Variants in CLPB observed in about 807,000 individuals in gnomAD.
The protein encoded by CLPB is mitochondrial disaggregase.
Under a neutral mutation model 78.4 loss-of-function variants are expected in CLPB, and 40 were observed. That is an observed-to-expected ratio of 0.51 (90% CI 0.40 to 0.66). CLPB has a LOEUF of 0.66. Ranked by LOEUF, CLPB falls within the 30% of genes least tolerant of loss-of-function variation. The pLI, the probability that CLPB is intolerant of heterozygous loss-of-function variation, is 0.00. For synonymous variants in CLPB, 333 were observed against 348.0 expected (o/e 0.96, Z 0.48); for missense variants, 780 against 886.9 (o/e 0.88, Z 1.53).
Position 72,287,903 on chromosome 11 carries a change from T to C in CLPB, c.*5464A>G, listed in dbSNP as rs756309677. The C allele has an allele frequency of 5.9e-5, 9 of 152,100 alleles. No homozygotes were observed. Among genetic ancestry groups the C allele is most frequent in the Non-Finnish European group, 1.2e-4 (8 of 68,048 alleles). 9.4% of individuals were successfully genotyped at this position (152,100 alleles called of 1,614,324 possible). On this transcript the variant is annotated 3_prime_UTR_variant, in exon 16 of 16. Coordinates refer to ENST00000538039, the MANE Select transcript of CLPB (RefSeq NM_001258392.3). Reference sequence around the variant, plus strand: ...TGGCTCCTTTCCCCTTTTATCAGGCTCAGGAGGTTTTATCTATTTTATTGG... The same window carrying C: ...TGGCTCCTTTCCCCTTTTATCAGGCCCAGGAGGTTTTATCTATTTTATTGG...
Position 72,286,830 on chromosome 11 carries a change from T to TGTGA in CLPB, c.*6536_*6537insTCAC, listed in dbSNP as rs1949396745. The TGTGA allele has an allele frequency of 6.6e-6, 1 of 151,344 alleles. No homozygotes were observed. Among genetic ancestry groups the TGTGA allele is most frequent in the Non-Finnish European group, 1.5e-5 (1 of 67,834 alleles). 9.4% of individuals were successfully genotyped at this position (151,344 alleles called of 1,614,324 possible). A position where few individuals can be genotyped will look rare whatever the true frequency, so the allele number is the denominator to read the frequency against. On this transcript the variant is annotated 3_prime_UTR_variant, in exon 16 of 16. Coordinates refer to ENST00000538039, the MANE Select transcript of CLPB (RefSeq NM_001258392.3). ...GTGTGTGTGTGTGTGTGTGTGTGTG[T>TGTGA]GTAGTTATCTGAAATACTGGCAAAC...
chr11:72,402,514 G>A (rs896989586), intron 3 of CLPB, among the ~76,000 whole-genome samples: 2 of 152,154 alleles, frequency 1.3e-5, no homozygotes, highest in Non-Finnish European at 2.9e-5. Flanking sequence ...AAATAGCACA[G>A]CCTCCAATGG....
At chr11:72,309,167 C>T (rs1949798618) in intron 7 of CLPB, among the ~76,000 whole-genome samples, 1 of 152,140 alleles carries the variant, frequency 6.6e-6, no homozygotes, top group African/African-American at 2.4e-5. Flanking sequence ...CAATGTGGAG[C>T]TCAGGGCATG....
Position 72,434,112 on chromosome 11 carries a change from C to A in CLPB, c.363G>T (p.Ala121=). The A allele has an allele frequency of 3.1e-6, 5 of 1,611,900 alleles. No homozygotes were observed. The highest frequency in any genetic ancestry group is 4.2e-6 in the Non-Finnish European group (5 of 1,180,014). ...TCTTGCTGTAGCAATGAACCACCAG[C>A]GCTGCGGCCAGGGCGCACATGCCCA... ...AGLGMCALAA[A]LVVHCYSKSP... The change falls in exon 1 of 16, where the codon GCG becomes GCT. Residue 121 remains alanine (A), a synonymous_variant. Coordinates refer to ENST00000538039, the MANE Select transcript of CLPB (RefSeq NM_001258392.3).
intron 6 of CLPB, among the ~76,000 whole-genome samples, chr11:72,321,675 G>A (rs2135535723): frequency 6.6e-6 from 1 of 152,320 alleles, no homozygotes; most frequent in Middle Eastern, 3.4e-3. Context: ...TGTGTTCACT[G>A]AGGGGGCAGC....
At chr11:72,429,135 C>T (rs1188605608) in intron 2 of CLPB, 2 of 152,196 alleles carry the variant, frequency 1.3e-5, no homozygotes, top group Non-Finnish European at 2.9e-5. Flanking sequence ...CACACACAGC[C>T]TGCAGTTATG....
At chr11:72,317,318 C>T in intron 6 of CLPB, 98 bp from the exon 7 acceptor site, 1 of 843,170 alleles carries the variant, frequency 1.2e-6, no homozygotes, top group South Asian at 1.8e-5. Flanking sequence ...GTCTGGGTAT[C>T]CAGGGGTCCT....
intron 5 of CLPB, among the ~76,000 whole-genome samples, chr11:72,335,424 G>A (rs1348283279): frequency 2.0e-5 from 3 of 152,216 alleles, no homozygotes; most frequent in Non-Finnish European, 2.9e-5. Flanking sequence ...AATGTCCCCA[G>A]TACCCAGCCC....
In CLPB at chr11:72,434,526, T is replaced by C. The variant is rs1235597439; in HGVS notation, c.-52A>G. 1.3e-6 allele frequency: 2 copies of C among 1,507,546 alleles called. No homozygotes were observed. The highest frequency in any genetic ancestry group is 2.3e-5 in the Admixed American group (1 of 43,620). 93.4% of individuals were successfully genotyped at this position (1,507,546 alleles called of 1,614,324 possible). A position where few individuals can be genotyped will look rare whatever the true frequency, so the allele number is the denominator to read the frequency against. ...GGTGCCGGCCCCTGTGCTGACCACG[T>C]CCAACATGGCTGCCGCGGCGCGTTC... On this transcript the variant is annotated 5_prime_UTR_variant, in exon 1 of 16. Transcript: ENST00000538039.
chr11:72,404,770 G>A (rs1170112090), intron 2 of CLPB, among the ~76,000 whole-genome samples: 1 of 152,130 alleles, frequency 6.6e-6, no homozygotes, highest in East Asian at 1.9e-4. Flanking sequence ...TAAGATGTTT[G>A]GTATGACTGG....
At position 72,292,641 on chromosome 11, in the gene CLPB, C is replaced by T. The variant is rs1291012996; in HGVS notation, c.*726G>A. 2.0e-5 allele frequency: 3 copies of T among 152,246 alleles called. No homozygotes were observed. The highest frequency in any genetic ancestry group is 7.2e-5 in the African/African-American group (3 of 41,424). The allele number at this position is 152,246 out of a possible 1,614,324, so 9.4% of individuals were successfully genotyped here. The stretch of plus-strand genomic sequence containing the variant: ...CTTGCTTGGTTATCTGGGACTGCTG[C>T]TCAGTCTGAGTAGGGGAGGGTAATG... On this transcript the variant is annotated 3_prime_UTR_variant, in exon 16 of 16. Coordinates refer to ENST00000538039, the MANE Select transcript of CLPB (RefSeq NM_001258392.3).
At chr11:72,338,044 A>G (rs1396355016) in intron 5 of CLPB, among the ~76,000 whole-genome samples, 1 of 152,214 alleles carries the variant, frequency 6.6e-6, no homozygotes, top group Non-Finnish European at 1.5e-5. Context: ...GGGAACAGAG[A>G]GAGTTTTAAT....
Position 72,419,642 on chromosome 11 carries a change from C to T in CLPB, c.455+10670G>A, listed in dbSNP as rs1224485738. Among the ~76,000 whole-genome samples the T allele has an allele frequency of 2.0e-5, 3 of 152,292 alleles. No homozygotes were observed. The South Asian group carries it at 6.2e-4, about 32-fold the overall frequency. On this transcript the variant is annotated intron_variant, in intron 2 of 15. Transcript: ENST00000538039. ...CAGTCCTTCACACTGGCCTTGCTTC[C>T]TCCTCATGCAGGATTCTTGTAAATA... is the stretch of plus-strand genomic sequence containing the variant.
rs1856659547 is a variant in CLPB, at chr11:72,434,496, C to T, written c.-22G>A. 6.6e-7 allele frequency: 1 copy of T among 1,521,612 alleles called. No individual in the cohort carries two copies. Among genetic ancestry groups the T allele is most frequent in the African/African-American group, 1.4e-5 (1 of 71,950 alleles). The allele number at this position is 1,521,612 out of a possible 1,614,324, so 94.3% of individuals were successfully genotyped here. A position where few individuals can be genotyped will look rare whatever the true frequency, so the allele number is the denominator to read the frequency against. On this transcript the variant is annotated 5_prime_UTR_variant, in exon 1 of 16. Coordinates refer to ENST00000538039, the MANE Select transcript of CLPB (RefSeq NM_001258392.3). ...GCATCTTGACAGCTGCTTCGATAAC[C>T]CCGTGGTGCCGGCCCCTGTGCTGAC...
At chr11:72,350,687 T>C (rs1050289378) in intron 5 of CLPB, among the ~76,000 whole-genome samples, 10 of 152,244 alleles carry the variant, frequency 6.6e-5, no homozygotes, top group Admixed American at 5.9e-4. Flanking sequence ...ACAGAGGGGC[T>C]CATCTCCTCT....
intron 1 of CLPB, among the ~76,000 whole-genome samples, chr11:72,432,935 T>C (rs1856589282): frequency 6.6e-6 from 1 of 152,176 alleles, no homozygotes. Context: ...TGCCTCAGTC[T>C]TTCTTCTTGA....
At chr11:72,295,117 T>TC (rs1949526908) in intron 12 of CLPB, among the ~76,000 whole-genome samples, 1 of 152,180 alleles carries the variant, frequency 6.6e-6, no homozygotes, top group Non-Finnish European at 1.5e-5. Context: ...CAAGGCTGTG[T>TC]CCACTGCCAT....
intron 3 of CLPB, among the ~76,000 whole-genome samples, chr11:72,402,637 G>T (rs966287818): frequency 2.0e-5 from 3 of 152,138 alleles, no homozygotes; most frequent in African/African-American, 7.2e-5. Context: ...GTCAACAGAT[G>T]GTAGGTAACA....
rs11235481 is a variant in CLPB at position 72,302,875 on chromosome 11, G to C, written c.1123-527C>G. The C allele has an allele frequency of 2.3e-3, 347 of 153,804 alleles. 2 individuals carry two copies. The highest frequency in any genetic ancestry group is 7.7e-3 in the African/African-American group (319 of 41,562). The allele number at this position is 153,804 out of a possible 1,614,324, so 9.5% of individuals were successfully genotyped here. ...AACTCTGCAAGTCTGTGTGATGCCC[G>C]TGTCCCTTTGATTTACTTTTCTTCA... On this transcript the variant is annotated intron_variant, in intron 9 of 15. Coordinates refer to ENST00000538039, the MANE Select transcript of CLPB (RefSeq NM_001258392.3).
Sources: allele counts gnomAD v4.1 joint callset (sites outside exome capture counted in the v4.1 genomes callset), GRCh38; gene constraint gnomAD v4.1.1; transcripts MANE v1.5; gene names NCBI Gene and HGNC (gene_info 2026-07-23, HGNC 2026-07-21).